Variants in HECTD4 observed in about 807,000 individuals in gnomAD.
The protein encoded by HECTD4 is probable E3 ubiquitin-protein ligase HECTD4.
A neutral mutation model predicts 471.5 loss-of-function variants in HECTD4; 114 were observed. The ratio of observed to expected loss-of-function variants is 0.24; its 90% CI spans 0.21 to 0.28. The LOEUF is 0.28. Among genes scored for constraint, HECTD4 ranks in the 10% least tolerant of loss-of-function variants. The probability of loss-of-function intolerance (pLI) is 1.00; values close to 1 mark genes in which losing one functional copy is unlikely to be tolerated. For missense variants in HECTD4, 3,866 were observed against 5,651.5 expected, an observed-to-expected ratio of 0.68 and a Z score of 10.13; for synonymous variants, 2,012 against 2,256.0, an observed-to-expected ratio of 0.89 and a Z score of 3.07.
At chr12:112,320,981 T>C (rs1178529253) in intron 1 of HECTD4, among the ~76,000 whole-genome samples, 2 of 152,026 alleles carry the variant, frequency 1.3e-5, no homozygotes, top group Non-Finnish European at 2.9e-5. Context: ...ATAGCTGGGA[T>C]TACAAGGGTG....
chr12:112,179,495 G>C lies in HECTD4; in HGVS notation c.10988-98C>G. On this transcript the variant is annotated intron_variant, in intron 62 of 75. Transcript: ENST00000682272. This position sits in a 1 kb window ranked among gnomAD's most constrained non-coding sequence, Gnocchi z 4.3. ...TTCCAAACACTGTTTGAAAGGGGCA[G>C]TGGATGGACATTAGTGGAAGGAAGA... 9.3e-7 allele frequency: 1 copy of C among 1,072,644 alleles called. No homozygotes were observed. The highest frequency in any genetic ancestry group is 1.4e-6 in the Non-Finnish European group (1 of 725,332). 66.4% of individuals were successfully genotyped at this position (1,072,644 alleles called of 1,614,324 possible).
chr12:112,184,004 A>G lies in HECTD4; in HGVS notation c.10779+183T>C, dbSNP rs1294251098. On this transcript the variant is annotated intron_variant, in intron 61 of 75. Transcript: ENST00000682272. This position sits in a 1 kb window ranked among gnomAD's most constrained non-coding sequence, Gnocchi z 9.1. ...GCTCCCCTTTACTTCGTGATATGGG[A>G]CTTGGTGTCACTCAGAGACGTTACC... Among the ~76,000 whole-genome samples the G allele has an allele frequency of 6.6e-6, 1 of 152,186 alleles. No homozygotes were observed. Among genetic ancestry groups the G allele is most frequent in the Admixed American group, 6.5e-5 (1 of 15,286 alleles).
intron 48 of HECTD4, among the ~76,000 whole-genome samples, chr12:112,214,697 GC>G (rs1331420010): frequency 3.3e-5 from 5 of 152,032 alleles, no homozygotes; most frequent in African/African-American, 1.2e-4. Context: ...CGCTCCCCCA[GC>G]CTACCACCCA....
chr12:112,174,876 G>A (rs904003199), intron 66 of HECTD4, among the ~76,000 whole-genome samples: 18 of 152,226 alleles, frequency 1.2e-4, no homozygotes, highest in Non-Finnish European at 2.5e-4. Flanking sequence ...TTGATGCCAG[G>A]TGCACTTGCT....
At position 112,176,573 on chromosome 12, in the gene HECTD4, C is replaced by T. The variant is rs780397290; in HGVS notation, c.11470+23G>A. The T allele has an allele frequency of 1.9e-6, 3 of 1,555,478 alleles. No homozygotes were observed. In the East Asian group the frequency reaches 6.7e-5, roughly 35 times the overall value. On this transcript the variant is annotated intron_variant, in intron 65 of 75. Transcript: ENST00000682272. ...GGATGGAAGTAGGTCCCAGCCCACT[C>T]CAGGCCCCGTCTGCTCATTCACCTT...
At chr12:112,226,470 T>TCGG in intron 44 of HECTD4, 173 bp downstream of exon 44, 3 of 447,560 alleles carry the variant, frequency 6.7e-6, no homozygotes, top group Non-Finnish European at 1.2e-5. Flanking sequence ...GATTAAAAGC[T>TCGG]TTTTATTTAC....
chr12:112,176,829 CG>C (rs2031467329), intron 64 of HECTD4, 127 bp from the exon 65 acceptor site: 1 of 735,904 alleles, frequency 1.4e-6, no homozygotes, highest in Non-Finnish European at 2.3e-6. Flanking sequence ...TCAGATAGGG[CG>C]GGGGCGTTCA....
chr12:112,332,641 G>T (rs373908776), intron 1 of HECTD4, among the ~76,000 whole-genome samples: 1 of 150,474 alleles, frequency 6.6e-6, no homozygotes, highest in East Asian at 1.9e-4. Context: ...CAAGCTCCTT[G>T]GGTGACTTTA....
At chr12:112,269,024 G>A (rs1194586492) in intron 13 of HECTD4, among the ~76,000 whole-genome samples, 2 of 150,708 alleles carry the variant, frequency 1.3e-5, no homozygotes, top group East Asian at 4.0e-4. Flanking sequence ...ACAGGAGCGC[G>A]CCACCATGCC....
chr12:112,246,426 G>A (rs1442816432), intron 29 of HECTD4, among the ~76,000 whole-genome samples: 1 of 152,094 alleles, frequency 6.6e-6, no homozygotes, highest in Non-Finnish European at 1.5e-5. Context: ...CAGAGGTCAG[G>A]AGTTCGAGAC....
chr12:112,172,964 T>G, intron 66 of HECTD4, 103 bp from the exon 67 acceptor site: 1 of 1,001,564 alleles, frequency 1.0e-6, no homozygotes, highest in East Asian at 2.4e-5. Context: ...CTGGAGCACA[T>G]TCAGAAGACG....
At chr12:112,246,768 A>C in intron 29 of HECTD4, 133 bp downstream of exon 29, 1 of 710,216 alleles carries the variant, frequency 1.4e-6, no homozygotes. Context: ...ATATGTTAAA[A>C]TTTCCTTTTG....
chr12:112,309,678 G>T lies in HECTD4; in HGVS notation c.917-9C>A. On this transcript the variant is annotated splice_polypyrimidine_tract_variant and intron_variant, in intron 4 of 75. Transcript: ENST00000682272. ...GCGTCCCAAGTCAGCATCTGAAATC[G>T]TTTTTTCACAGGTAAATTATATATA... 1.5e-6 allele frequency: 2 copies of T among 1,360,502 alleles called. No individual in the cohort carries two copies. Among genetic ancestry groups the T allele is most frequent in the Non-Finnish European group, 2.0e-6 (2 of 995,212 alleles). 84.3% of individuals were successfully genotyped at this position (1,360,502 alleles called of 1,614,324 possible). A position where few individuals can be genotyped will look rare whatever the true frequency, so the allele number is the denominator to read the frequency against.
intron 20 of HECTD4, among the ~76,000 whole-genome samples, chr12:112,258,219 G>A (rs538511593): frequency 6.6e-6 from 1 of 151,050 alleles, no homozygotes; most frequent in Non-Finnish European, 1.5e-5. Flanking sequence ...CAGCCAAACT[G>A]CCTGCCAAAG....
rs1468923530 is a variant in HECTD4, at chr12:112,308,740, GTT to G, written c.1164+11_1164+12del. ...TAAAATATGTTTTAAAAATGCCTTG[GTT>G]TTCTGTTTACCTGAAGGGTGTTCTG... On this transcript the variant is annotated intron_variant, in intron 6 of 75. Transcript: ENST00000682272. The G allele has an allele frequency of 2.0e-6, 3 of 1,524,258 alleles. No homozygotes were observed. Among genetic ancestry groups the G allele is most frequent in the Non-Finnish European group, 1.8e-6 (2 of 1,142,420 alleles). 94.4% of individuals were successfully genotyped at this position (1,524,258 alleles called of 1,614,324 possible).
At chr12:112,320,574 G>A (rs997566889) in intron 1 of HECTD4, among the ~76,000 whole-genome samples, 79 of 151,872 alleles carry the variant, frequency 5.2e-4, no homozygotes, top group African/African-American at 1.9e-3. Context: ...GGTGGCCCAC[G>A]CCTGTAGTCC....
intron 6 of HECTD4, 134 bp downstream of exon 6, chr12:112,308,619 A>G (rs1799654520): frequency 6.1e-6 from 5 of 819,708 alleles, no homozygotes; most frequent in Non-Finnish European, 9.1e-6. Flanking sequence ...CAGAATGCCC[A>G]AACTATAACA....
At chr12:112,211,446 T>C (rs971791663) in intron 49 of HECTD4, among the ~76,000 whole-genome samples, 3 of 151,194 alleles carry the variant, frequency 2.0e-5, no homozygotes, top group Admixed American at 6.6e-5. Flanking sequence ...AACTGGATAG[T>C]GACATTCCAA....
Position 112,340,042 on chromosome 12 carries a change from C to G in HECTD4, c.178-20300G>C, listed in dbSNP as rs372297146. Among the ~76,000 whole-genome samples, 3 of 112,594 alleles carry G rather than the reference C, an allele frequency of 2.7e-5. No individual in the cohort carries two copies. In the East Asian group the frequency reaches 7.4e-4, roughly 28 times the overall value. 73.9% of individuals were successfully genotyped at this position (112,594 alleles called of 152,430 possible). On this transcript the variant is annotated intron_variant, in intron 1 of 75. Coordinates refer to ENST00000682272, the MANE Select transcript of HECTD4 (RefSeq NM_001388303.1). ...CCAGCCTGGGTGACAGAGTGAGACT[C>G]AAAAAAAAAAAAAGAAAAGAAAACT...
Sources: allele counts gnomAD v4.1 joint callset (sites outside exome capture counted in the v4.1 genomes callset), GRCh38; gene constraint gnomAD v4.1.1; non-coding constraint Gnocchi (gnomAD v3.1); transcripts MANE v1.5; gene names NCBI Gene and HGNC (gene_info 2026-07-23, HGNC 2026-07-21).